Variants in KCNIP4 observed in about 807,000 individuals in gnomAD.
KCNIP4 encodes potassium voltage-gated channel interacting protein 4.
In KCNIP4, 12 loss-of-function variants were observed where a neutral mutation model predicts 34.0. The observed-to-expected ratio is 0.35, with a 90% CI of 0.23 to 0.57. The LOEUF is 0.57. KCNIP4 is among the 20% of genes least tolerant of loss of function. KCNIP4 has a pLI of 0.83. For synonymous variants in KCNIP4, 124 were observed against 102.2 expected (o/e 1.21, Z -1.29); for missense variants, 238 against 311.7 (o/e 0.76, Z 1.78).
At chr4:21,238,149 T>C (rs1759516476) in intron 1 of KCNIP4, among the ~76,000 whole-genome samples, 1 of 152,164 alleles carries the variant, frequency 6.6e-6, no homozygotes, top group Non-Finnish European at 1.5e-5. Flanking sequence ...CCTCAATAGA[T>C]GCAGAAAAGG....
At chr4:21,272,592 G>A (rs13125993) in intron 1 of KCNIP4, among the ~76,000 whole-genome samples, 39,011 of 151,834 alleles carry the variant, frequency 0.26, 5,196 homozygotes, top group South Asian at 0.35. Context: ...TTCCTTCTTC[G>A]TGTAGAGAAA....
At chr4:21,200,136 C>T (rs1756359914) in intron 1 of KCNIP4, among the ~76,000 whole-genome samples, 1 of 151,698 alleles carries the variant, frequency 6.6e-6, no homozygotes, top group African/African-American at 2.4e-5. Context: ...CACATGTATA[C>T]ATATGTAACA....
chr4:21,528,393 G>T (rs1019044024), intron 1 of KCNIP4, among the ~76,000 whole-genome samples: 4 of 151,962 alleles, frequency 2.6e-5, no homozygotes, highest in Non-Finnish European at 5.9e-5. Context: ...ACTCAACCGG[G>T]CATGGTGGCT....
chr4:21,301,412 T>A (rs907437758), intron 1 of KCNIP4, among the ~76,000 whole-genome samples: 4 of 152,156 alleles, frequency 2.6e-5, no homozygotes, highest in African/African-American at 9.6e-5. Flanking sequence ...TGAGGAGGTT[T>A]AATGATTTAG....
intron 1 of KCNIP4, among the ~76,000 whole-genome samples, chr4:21,590,931 T>C (rs1742160060): frequency 6.6e-6 from 1 of 152,036 alleles, no homozygotes; most frequent in Admixed American, 6.6e-5. Flanking sequence ...GCTGAATATT[T>C]CTCAGTGCAG....
chr4:21,828,985 T>C (rs1722827478), intron 1 of KCNIP4, among the ~76,000 whole-genome samples: 1 of 151,770 alleles, frequency 6.6e-6, no homozygotes, highest in Admixed American at 6.6e-5. Context: ...CAATATGGGA[T>C]GGAAATGAAG....
At chr4:21,572,867 T>C (rs1740465597) in intron 1 of KCNIP4, among the ~76,000 whole-genome samples, 1 of 152,152 alleles carries the variant, frequency 6.6e-6, no homozygotes, top group Admixed American at 6.6e-5. Flanking sequence ...CCTCAGGTGA[T>C]CCACTGGCCT....
At chr4:20,792,211 T>C (rs1033302993) in intron 3 of KCNIP4, among the ~76,000 whole-genome samples, 7 of 151,952 alleles carry the variant, frequency 4.6e-5, no homozygotes, top group African/African-American at 1.7e-4. Flanking sequence ...CTGTCTCTAC[T>C]AAAAATACAA....
intron 1 of KCNIP4, among the ~76,000 whole-genome samples, chr4:21,573,522 T>C (rs1740509361): frequency 6.6e-6 from 1 of 152,178 alleles, no homozygotes; most frequent in Non-Finnish European, 1.5e-5. Context: ...ATTTTTTTTC[T>C]TTTCTAACAG....
intron 1 of KCNIP4, among the ~76,000 whole-genome samples, chr4:21,312,124 TAGAC>T (rs1296418374): frequency 6.6e-6 from 1 of 152,064 alleles, no homozygotes; most frequent in South Asian, 2.1e-4. Context: ...GGAGGAACAA[TAGAC>T]AGGGACTCAA....
intron 1 of KCNIP4, among the ~76,000 whole-genome samples, chr4:21,139,328 C>T (rs1160340885): frequency 2.0e-5 from 3 of 152,182 alleles, no homozygotes; most frequent in Non-Finnish European, 4.4e-5. Context: ...AAGTAAGCAC[C>T]TCTTTCAGTT....
chr4:21,873,110 T>C (rs1379333557), intron 1 of KCNIP4, among the ~76,000 whole-genome samples: 2 of 152,228 alleles, frequency 1.3e-5, no homozygotes, highest in Admixed American at 6.5e-5. Context: ...TTTCAAAGTA[T>C]GACAGAAGTA....
intron 1 of KCNIP4, among the ~76,000 whole-genome samples, chr4:21,531,861 A>G (rs1431977713): frequency 1.3e-5 from 2 of 152,156 alleles, no homozygotes; most frequent in Non-Finnish European, 2.9e-5. Flanking sequence ...TAGGTGTTAA[A>G]TACATGAAGT....
At chr4:21,043,791 C>T (rs1422636670) in intron 1 of KCNIP4, among the ~76,000 whole-genome samples, 1 of 152,072 alleles carries the variant, frequency 6.6e-6, no homozygotes, top group Non-Finnish European at 1.5e-5. Context: ...TGCTTTGCAT[C>T]CATTATGTCA....
chr4:20,855,763 A>G (rs897342282), intron 2 of KCNIP4, among the ~76,000 whole-genome samples: 5 of 152,180 alleles, frequency 3.3e-5, no homozygotes, highest in African/African-American at 4.8e-5. Context: ...TGTACTTTTT[A>G]TATTATAATA....
chr4:20,827,713 G>T lies in KCNIP4; in HGVS notation c.288+22830C>A, dbSNP rs139161186. On this transcript the variant is annotated intron_variant, in intron 3 of 8. Transcript: ENST00000382152. ...TCTCACATAATCATCCTTCACATAA[G>T]TCTCTTTAAGCACATAGAGCAAAGC... Among the ~76,000 whole-genome samples, 363 of 151,192 alleles carry T rather than the reference G, an allele frequency of 2.4e-3. 1 individual carries two copies. The highest frequency in any genetic ancestry group is 6.8e-3 in the Middle Eastern group (2 of 292).
intron 1 of KCNIP4, among the ~76,000 whole-genome samples, chr4:21,438,852 T>C (rs1056333302): frequency 6.6e-6 from 1 of 152,064 alleles, no homozygotes; most frequent in Non-Finnish European, 1.5e-5. Context: ...TATTAACAGA[T>C]ACTGGAAATG....
intron 1 of KCNIP4, among the ~76,000 whole-genome samples, chr4:21,433,826 AC>A (rs1370058643): frequency 2.0e-5 from 3 of 152,180 alleles, no homozygotes; most frequent in African/African-American, 7.2e-5. Flanking sequence ...GCCTAATGAA[AC>A]TTACTATCGA....
At chr4:21,004,420 G>A (rs924730040) in intron 1 of KCNIP4, among the ~76,000 whole-genome samples, 3 of 152,220 alleles carry the variant, frequency 2.0e-5, no homozygotes, top group African/African-American at 7.2e-5. Flanking sequence ...AGTGGAAATA[G>A]TAAAACTAGT....
Sources: allele counts gnomAD v4.1 joint callset (sites outside exome capture counted in the v4.1 genomes callset), GRCh38; gene constraint gnomAD v4.1.1; transcripts MANE v1.5; gene names NCBI Gene and HGNC (gene_info 2026-07-23, HGNC 2026-07-21).